ROCK1: variants seen among roughly 807,000 people sequenced by gnomAD.
The protein encoded by ROCK1 is Rho associated coiled-coil containing protein kinase 1, also known as rho-associated protein kinase 1.
Under a neutral mutation model 196.8 loss-of-function variants are expected in ROCK1, and 36 were observed. That is an observed-to-expected ratio of 0.18 (90% CI 0.14 to 0.24). The LOEUF (loss-of-function observed/expected upper bound fraction) is 0.24. ROCK1 is among the 10% of genes least tolerant of loss of function. The pLI is 1.00. For synonymous variants in ROCK1, 443 were observed against 515.9 expected, an observed-to-expected ratio of 0.86 and a Z score of 1.91; for missense variants, 920 against 1,562.0, an observed-to-expected ratio of 0.59 and a Z score of 6.93.
At chr18:21,060,847 A>T (rs916054041) in intron 2 of ROCK1, among the ~76,000 whole-genome samples, 2 of 151,576 alleles carry the variant, frequency 1.3e-5, no homozygotes, top group Non-Finnish European at 2.9e-5. Flanking sequence ...CTCAAAAAAA[A>T]AAAAAAAAAA....
intron 2 of ROCK1, among the ~76,000 whole-genome samples, chr18:21,053,149 A>C (rs977373433): frequency 2.6e-5 from 4 of 152,210 alleles, no homozygotes; most frequent in Non-Finnish European, 5.9e-5. Flanking sequence ...CCAAAGGCTA[A>C]CAGTCTTAGG....
chr18:21,110,529 A>G (rs955823742), intron 1 of ROCK1, among the ~76,000 whole-genome samples: 9 of 152,216 alleles, frequency 5.9e-5, no homozygotes, highest in African/African-American at 2.2e-4. Context: ...CTCTGACGTG[A>G]TAACTTTTTA....
intron 2 of ROCK1, among the ~76,000 whole-genome samples, chr18:21,052,612 A>G (rs1458167144): frequency 6.6e-6 from 1 of 152,154 alleles, no homozygotes. Flanking sequence ...TGGGTAGGCA[A>G]GCATTACCAT....
intron 27 of ROCK1, among the ~76,000 whole-genome samples, chr18:20,963,230 C>T (rs1476627030): frequency 2.0e-5 from 3 of 152,010 alleles, no homozygotes; most frequent in African/African-American, 7.2e-5. Flanking sequence ...GCAATATCAG[C>T]GATTTCTTTA....
At chr18:20,975,221 T>C (rs912644823) in intron 22 of ROCK1, among the ~76,000 whole-genome samples, 1 of 151,694 alleles carries the variant, frequency 6.6e-6, no homozygotes, top group Admixed American at 6.6e-5. Flanking sequence ...GGTAGTGGGG[T>C]GGGGATGTTT....
intron 9 of ROCK1, among the ~76,000 whole-genome samples, chr18:21,037,013 C>T (rs528315947): frequency 1.3e-5 from 2 of 152,002 alleles, no homozygotes; most frequent in Non-Finnish European, 2.9e-5. Flanking sequence ...TTAAATCGTA[C>T]ATGGTACTTC....
Position 20,966,904 on chromosome 18 carries a change from G to T in ROCK1, c.3352+13C>A. The T allele has an allele frequency of 6.3e-7, 1 of 1,594,132 alleles. No homozygotes were observed. Among genetic ancestry groups the T allele is most frequent in the South Asian group, 1.1e-5 (1 of 89,708 alleles). On this transcript the variant is annotated intron_variant, in intron 27 of 32. Coordinates refer to ENST00000399799, the MANE Select transcript of ROCK1 (RefSeq NM_005406.3). ...CATTTATACATGTTTGAATGATACA[G>T]AATTATTCTTACCTGGGAGGTTACC...
chr18:21,075,129 G>A (rs1052492665), intron 1 of ROCK1, among the ~76,000 whole-genome samples: 1 of 152,174 alleles, frequency 6.6e-6, no homozygotes, highest in African/African-American at 2.4e-5. Flanking sequence ...GGGGGAGAAA[G>A]TGGCATAACT....
At chr18:21,078,089 G>T (rs143927070) in intron 1 of ROCK1, among the ~76,000 whole-genome samples, 137 of 152,312 alleles carry the variant, frequency 9.0e-4, no homozygotes, top group African/African-American at 3.1e-3. Flanking sequence ...AGCACTTTGG[G>T]AGGCCAAGGC....
intron 25 of ROCK1, among the ~76,000 whole-genome samples, chr18:20,968,206 TG>T (rs2035392238): frequency 1.3e-5 from 2 of 152,338 alleles, no homozygotes; most frequent in Non-Finnish European, 2.9e-5. Context: ...ACTCTGATGT[TG>T]GGTACTAGCA....
chr18:21,031,883 G>GA (rs895790185), intron 9 of ROCK1, among the ~76,000 whole-genome samples: 20 of 151,526 alleles, frequency 1.3e-4, no homozygotes, highest in Non-Finnish European at 2.4e-4. Context: ...ACAGGCAGAG[G>GA]AAAAAAAACC....
intron 1 of ROCK1, among the ~76,000 whole-genome samples, chr18:21,097,482 T>C (rs1335728532): frequency 6.6e-6 from 1 of 152,232 alleles, no homozygotes; most frequent in Non-Finnish European, 1.5e-5. Context: ...CTATAAATTA[T>C]TTCATTTAAT....
intron 2 of ROCK1, among the ~76,000 whole-genome samples, chr18:21,051,095 G>T (rs1247725522): frequency 6.6e-6 from 1 of 152,260 alleles, no homozygotes; most frequent in South Asian, 2.1e-4. Context: ...TTCTGTAAAT[G>T]ATGGTACCTG....
At position 20,947,143 on chromosome 18, in the gene ROCK1, AAAAG is replaced by A. The variant is rs1241962208; in HGVS notation, c.*4237_*4240del. ...ATAAGACAATTCATTAACATTTGGCAAAAGAAAGGAGATATTTAATCTCTTTGTA... is the reference window on the plus strand; with the variant it reads ...ATAAGACAATTCATTAACATTTGGCAAAAGGAGATATTTAATCTCTTTGTA... On this transcript the variant is annotated 3_prime_UTR_variant, in exon 33 of 33. Coordinates refer to ENST00000399799, the MANE Select transcript of ROCK1 (RefSeq NM_005406.3). The A allele has an allele frequency of 1.3e-5, 2 of 152,360 alleles. No homozygotes were observed. Among genetic ancestry groups the A allele is most frequent in the South Asian group, 2.1e-4 (1 of 4,828 alleles). The allele number at this position is 152,360 out of a possible 1,614,324, so 9.4% of individuals were successfully genotyped here. A position where few individuals can be genotyped will look rare whatever the true frequency, so the allele number is the denominator to read the frequency against.
rs147017735 is a variant in ROCK1, at chr18:21,034,476, A to G, written c.1051+4996T>C. On this transcript the variant is annotated intron_variant, in intron 9 of 32. Transcript: ENST00000399799. The stretch of plus-strand genomic sequence containing the variant: ...TACAGATCAATGGAATACAACAAAA[A>G]CCCCACAAATAAACCCTCATGTATA... Among the ~76,000 whole-genome samples the G allele has an allele frequency of 1.6e-3, 236 of 152,190 alleles. 3 individuals are homozygous for G. The highest frequency in any genetic ancestry group is 5.5e-3 in the African/African-American group (229 of 41,518).
intron 9 of ROCK1, among the ~76,000 whole-genome samples, chr18:21,032,892 T>C (rs1051299612): frequency 6.6e-6 from 1 of 152,038 alleles, no homozygotes; most frequent in African/African-American, 2.4e-5. Flanking sequence ...CAAAATCTAT[T>C]TTAAAAGAAA....
Position 21,060,708 on chromosome 18 carries a change from G to A in ROCK1, c.175+9824C>T, listed in dbSNP as rs563058553. 4.1e-4 allele frequency among the ~76,000 whole-genome samples: 63 copies of A among 151,958 alleles called. 1 individual carries two copies. In the South Asian group the frequency reaches 8.9e-3, roughly 22 times the overall value. On this transcript the variant is annotated intron_variant, in intron 2 of 32. Transcript: ENST00000399799. ...TACAAAATTAGCCGGGCATTGTGGCGCATGCCTGTAATCCCATCTACTAGG... is the reference window on the plus strand; with the variant it reads ...TACAAAATTAGCCGGGCATTGTGGCACATGCCTGTAATCCCATCTACTAGG...
chr18:20,997,303 A>C (rs960934562), intron 16 of ROCK1, among the ~76,000 whole-genome samples: 1 of 152,224 alleles, frequency 6.6e-6, no homozygotes, highest in African/African-American at 2.4e-5. Flanking sequence ...ATTCCATGCC[A>C]ATTAAAACAA....
chr18:21,057,693 C>A (rs537459449), intron 2 of ROCK1, among the ~76,000 whole-genome samples: 1 of 152,068 alleles, frequency 6.6e-6, no homozygotes, highest in East Asian at 1.9e-4. Context: ...CGGTGGTGGG[C>A]GCCTGTAATC....
Sources: gnomAD v4.1 joint callset for allele counts (sites outside exome capture counted in the v4.1 genomes callset) on GRCh38, gnomAD v4.1.1 for gene constraint, MANE v1.5 for transcripts, NCBI Gene and HGNC (gene_info 2026-07-23, HGNC 2026-07-21) for gene names.